The following LY96 variants were observed in gnomAD, a reference collection of about 807,000 sequenced individuals.
LY96 encodes myeloid differentiation protein-2.
Under a neutral mutation model 18.9 loss-of-function variants are expected in LY96, and 18 were observed. That is an observed-to-expected ratio of 0.95 (90% confidence interval 0.66 to 1.41). The LOEUF (loss-of-function observed/expected upper bound fraction) is 1.41. Among genes scored for constraint, LY96 ranks in the 40% most tolerant of loss-of-function variants. LY96 has a pLI of 0.00. For synonymous variants in LY96, 66 were observed against 62.6 expected (o/e 1.06, Z -0.26); for missense variants, 175 against 182.4 (o/e 0.96, Z 0.23).
At chr8:74,068,947 AC>A in the LY96 span, among the ~76,000 whole-genome samples, 2 of 151,906 alleles carry the variant, frequency 1.3e-5, no homozygotes, top group Non-Finnish European at 2.9e-5. Context: ...GGCACACACC[AC>A]CATGCCTGGC....
the LY96 span, among the ~76,000 whole-genome samples, chr8:74,097,789 G>T: frequency 6.6e-6 from 1 of 152,142 alleles, no homozygotes; most frequent in African/African-American, 2.4e-5. Context: ...GTTACTCAAA[G>T]TGTGGTCTTC....
the LY96 span, among the ~76,000 whole-genome samples, chr8:74,065,002 A>C: frequency 6.6e-6 from 1 of 152,202 alleles, no homozygotes; most frequent in Admixed American, 6.5e-5. Flanking sequence ...TAAGCCCCCA[A>C]CTGACTGAAT....
At chr8:74,001,974 CCT>C (rs1816282334) in intron 1 of LY96, among the ~76,000 whole-genome samples, 5 of 135,094 alleles carry the variant, frequency 3.7e-5, no homozygotes, top group African/African-American at 5.5e-5. Flanking sequence ...TTCCTTCCTT[CCT>C]TCCCTCCCTC....
At chr8:74,009,037 T>A (rs1335405065) in intron 2 of LY96, among the ~76,000 whole-genome samples, 1 of 152,158 alleles carries the variant, frequency 6.6e-6, no homozygotes, top group Admixed American at 6.5e-5. Flanking sequence ...GTCATGGTGA[T>A]CTTACTAGGA....
the LY96 span, among the ~76,000 whole-genome samples, chr8:74,065,690 C>T: frequency 2.0e-5 from 3 of 152,282 alleles, no homozygotes; most frequent in East Asian, 1.9e-4. Flanking sequence ...CATTACTTAT[C>T]CATTAGGACA....
chr8:74,018,680 A>T (rs541075709), intron 3 of LY96, among the ~76,000 whole-genome samples: 1 of 152,132 alleles, frequency 6.6e-6, no homozygotes, highest in African/African-American at 2.4e-5. Context: ...GAAGTAAAGC[A>T]CTCCTCAGCA....
the LY96 span, among the ~76,000 whole-genome samples, chr8:74,078,884 G>A: frequency 1.3e-5 from 2 of 152,220 alleles, no homozygotes; most frequent in African/African-American, 2.4e-5. Context: ...AGCTCTGAGC[G>A]TTTCCTCTTC....
At chr8:74,030,267 A>T (rs547291387), downstream of LY96, among the ~76,000 whole-genome samples, 1 of 152,122 alleles carries the variant, frequency 6.6e-6, no homozygotes, top group Non-Finnish European at 1.5e-5. Context: ...AATCCCATCA[A>T]TTTGGGAGGC....
At chr8:73,992,738 C>T (rs1381387026) in intron 1 of LY96, among the ~76,000 whole-genome samples, 1 of 152,064 alleles carries the variant, frequency 6.6e-6, no homozygotes, top group Non-Finnish European at 1.5e-5. Context: ...GCTGCAAGAT[C>T]CTTTTGCATT....
the LY96 span, among the ~76,000 whole-genome samples, chr8:74,077,329 G>A: frequency 6.6e-6 from 1 of 152,166 alleles, no homozygotes; most frequent in Non-Finnish European, 1.5e-5. Context: ...AGACACTCCT[G>A]TCGCTCAGGA....
the LY96 span, among the ~76,000 whole-genome samples, chr8:74,037,810 G>T: frequency 6.6e-6 from 1 of 152,138 alleles, no homozygotes; most frequent in Non-Finnish European, 1.5e-5. Flanking sequence ...CATTCTAGTT[G>T]ATTCACAGCT....
chr8:74,001,991 C>CTTT, intron 1 of LY96, among the ~76,000 whole-genome samples: 1 of 97,620 alleles, frequency 1.0e-5, no homozygotes, highest in African/African-American at 3.5e-5. Flanking sequence ...TCCCTCCCTC[C>CTTT]CTCCTTTCTT....
the LY96 span, chr8:74,099,749 G>A: frequency 6.6e-6 from 1 of 151,928 alleles, no homozygotes; most frequent in South Asian, 2.1e-4. Context: ...CTCCCTTGAA[G>A]TATCTGTTTT....
intron 3 of LY96, among the ~76,000 whole-genome samples, chr8:74,010,937 A>G (rs1223715142): frequency 1.3e-5 from 2 of 151,000 alleles, no homozygotes; most frequent in African/African-American, 4.9e-5. Context: ...CATTTCTTTT[A>G]CACAATCTCT....
the LY96 span, among the ~76,000 whole-genome samples, chr8:74,088,660 A>G: frequency 6.6e-6 from 1 of 152,140 alleles, no homozygotes; most frequent in African/African-American, 2.4e-5. Flanking sequence ...ATCTCGGCTC[A>G]CTGCAACCTC....
chr8:74,039,255 T>G, the LY96 span, among the ~76,000 whole-genome samples: 1 of 152,188 alleles, frequency 6.6e-6, no homozygotes, highest in East Asian at 1.9e-4. Context: ...TTATTTGAGC[T>G]CCTTATATAT....
At chr8:74,034,839 G>A in the LY96 span, among the ~76,000 whole-genome samples, 1 of 152,160 alleles carries the variant, frequency 6.6e-6, no homozygotes. Flanking sequence ...AGTTTTGAGG[G>A]ATAGAATTAA....
chr8:74,091,145 C>G, the LY96 span, among the ~76,000 whole-genome samples: 2 of 152,088 alleles, frequency 1.3e-5, no homozygotes, highest in African/African-American at 4.8e-5. Flanking sequence ...GAAAGTGAGG[C>G]TACAGTAATA....
At chr8:74,025,420 C>T (rs753232697) in intron 3 of LY96, among the ~76,000 whole-genome samples, 3 of 151,866 alleles carry the variant, frequency 2.0e-5, no homozygotes, top group African/African-American at 7.3e-5. Context: ...TTTGGAAGGC[C>T]GAGGCAGGCA....
Sources: allele counts gnomAD v4.1 joint callset (sites outside exome capture counted in the v4.1 genomes callset), GRCh38; gene constraint gnomAD v4.1.1; transcripts MANE v1.5; gene names NCBI Gene and HGNC (gene_info 2026-07-23, HGNC 2026-07-21).